PCSK9: variants seen among roughly 807,000 people sequenced by gnomAD.
PCSK9 encodes convertase subtilisin/kexin type 9 preproprotein.
In PCSK9, 57 loss-of-function variants were observed where a neutral mutation model predicts 62.1. The ratio of observed to expected loss-of-function variants is 0.92; its 90% CI spans 0.74 to 1.14. The LOEUF is 1.14. Among genes scored for constraint, PCSK9 ranks in the 50% most tolerant of loss-of-function variants. The pLI is 0.00. For missense variants in PCSK9, 870 were observed against 959.8 expected, an observed-to-expected ratio of 0.91 and a Z score of 1.24; for synonymous variants, 387 against 409.4, an observed-to-expected ratio of 0.95 and a Z score of 0.66.
Position 55,044,021 on chromosome 1 carries a change from AC to A in PCSK9, c.388del (p.Leu130CysfsTer6). The A allele has an allele frequency of 6.2e-7, 1 of 1,614,146 alleles. No individual in the cohort carries two copies. The highest frequency in any genetic ancestry group is 8.5e-7 in the Non-Finnish European group (1 of 1,180,036). ...LPGFLVKMSGDLLELALKLPH... is the reference protein window; with the variant it reads ...LPGFLVKMSGXLLELALKLPH... ...GGCTTCCTGGTGAAGATGAGTGGCGACCTGCTGGAGCTGGTGAGCCACCCTT... is the reference window on the plus strand; with the variant it reads ...GGCTTCCTGGTGAAGATGAGTGGCGACTGCTGGAGCTGGTGAGCCACCCTT... On this transcript the variant is annotated frameshift_variant, in exon 2 of 12. Coordinates refer to ENST00000302118, the MANE Select transcript of PCSK9 (RefSeq NM_174936.4). LOFTEE classifies it high-confidence loss of function.
intron 5 of PCSK9, 110 bp from the exon 6 acceptor site, chr1:55,055,883 G>T: frequency 9.0e-7 from 1 of 1,110,144 alleles, no homozygotes; most frequent in South Asian, 1.8e-5. Context: ...CCAAACATCA[G>T]GCCACAAAGT....
At position 55,061,355 on chromosome 1, in the gene PCSK9, C is replaced by A. The variant is rs372844138; in HGVS notation, c.1682-20C>A. 42 of 1,596,278 alleles carry A rather than the reference C, an allele frequency of 2.6e-5. No individual in the cohort carries two copies. In the African/African-American group the frequency reaches 5.4e-4, roughly 20 times the overall value. ...AGCATCCCAGCATTTCACATCTGAGCTGGCTTTCCTCTGCCCCAGGCTGCA... is the reference window on the plus strand; with the variant it reads ...AGCATCCCAGCATTTCACATCTGAGATGGCTTTCCTCTGCCCCAGGCTGCA... On this transcript the variant is annotated intron_variant, in intron 10 of 11. Transcript: ENST00000302118.
At position 55,043,915 on chromosome 1, in the gene PCSK9, A is replaced by G; in HGVS notation, c.280A>G (p.Thr94Ala). ...EETHLSQSER[T>A]ARRLQAQAAR... ...GACCCACCTCTCGCAGTCAGAGCGCACTGCCCGCCGCCTGCAGGCCCAGGC... is the reference window on the plus strand; with the variant it reads ...GACCCACCTCTCGCAGTCAGAGCGCGCTGCCCGCCGCCTGCAGGCCCAGGC... The change falls in exon 2 of 12, where the codon ACT becomes GCT. Residue 94 changes from threonine (T) to alanine (A), a missense_variant. By Grantham distance (58) the Thr-to-Ala change is moderately conservative. Coordinates refer to ENST00000302118, the MANE Select transcript of PCSK9 (RefSeq NM_174936.4). 4 of 1,614,166 alleles carry G rather than the reference A, an allele frequency of 2.5e-6. No homozygotes were observed. The highest frequency in any genetic ancestry group is 2.5e-6 in the Non-Finnish European group (3 of 1,180,034).
chr1:55,056,236 G>A (rs1644713864), intron 6 of PCSK9, 47 bp downstream of exon 6: 23 of 990,382 alleles, frequency 2.3e-5, no homozygotes, highest in Middle Eastern at 3.9e-4. Context: ...GGGGCGGAGG[G>A]CGGAGGGCGG....
At chr1:55,063,021 G>A (rs1557509518) in intron 11 of PCSK9, among the ~76,000 whole-genome samples, 1 of 152,088 alleles carries the variant, frequency 6.6e-6, no homozygotes, top group South Asian at 2.1e-4. Flanking sequence ...ACCAAGGCTC[G>A]GGCCCCTGGA....
intron 10 of PCSK9, among the ~76,000 whole-genome samples, chr1:55,060,017 A>T (rs1188655303): frequency 6.6e-6 from 1 of 151,834 alleles, no homozygotes; most frequent in Non-Finnish European, 1.5e-5. Flanking sequence ...GGCTGAAAGG[A>T]GGGCAGACCT....
Position 55,059,540 on chromosome 1 carries a change from G to A in PCSK9, c.1558G>A (p.Val520Ile). The A allele has an allele frequency of 6.4e-7, 1 of 1,562,026 alleles. No homozygotes were observed. The highest frequency in any genetic ancestry group is 8.7e-7 in the Non-Finnish European group (1 of 1,151,974). ...CCACAACGCTTTTGGGGGTGAGGGT[G>A]TCTACGCCATTGCCAGGTGCTGCCT... ...RAHNAFGGEG[V>I]YAIARCCLLP... Residue 520 changes from valine to isoleucine, a missense_variant, in exon 10 of 12, where the codon GTC becomes ATC. Val to Ile is a conservative substitution (Grantham distance 29). Coordinates refer to ENST00000302118, the MANE Select transcript of PCSK9 (RefSeq NM_174936.4).
intron 10 of PCSK9, 47 bp downstream of exon 10, chr1:55,059,710 T>C (rs1409122392): frequency 1.3e-6 from 2 of 1,541,360 alleles, no homozygotes; most frequent in Admixed American, 3.9e-5. Context: ...CTCTTTCTCC[T>C]TATGCACCCA....
intron 6 of PCSK9, among the ~76,000 whole-genome samples, chr1:55,057,126 T>C (rs1266725768): frequency 6.6e-6 from 1 of 152,188 alleles, no homozygotes; most frequent in Non-Finnish European, 1.5e-5. Context: ...TGCCTGGCTA[T>C]GGTAGGGACA....
intron 11 of PCSK9, among the ~76,000 whole-genome samples, chr1:55,061,950 A>G (rs1644763381): frequency 6.6e-6 from 1 of 152,096 alleles, no homozygotes; most frequent in South Asian, 2.1e-4. Context: ...AGCCTCCCCA[A>G]GTGTTGGGAT....
At chr1:55,060,850 A>T (rs1209518549) in intron 10 of PCSK9, among the ~76,000 whole-genome samples, 2 of 152,140 alleles carry the variant, frequency 1.3e-5, no homozygotes, top group Non-Finnish European at 2.9e-5. Context: ...TGTCATCTTC[A>T]CAGTGTCCCT....
Position 55,060,613 on chromosome 1 carries a change from G to A in PCSK9, c.1682-762G>A, listed in dbSNP as rs1644752518. Among the ~76,000 whole-genome samples, 5 of 152,274 alleles carry A rather than the reference G, an allele frequency of 3.3e-5. No individual in the cohort carries two copies. In the South Asian group the frequency reaches 1.0e-3, roughly 32 times the overall value. On this transcript the variant is annotated intron_variant, in intron 10 of 11. Coordinates refer to ENST00000302118, the MANE Select transcript of PCSK9 (RefSeq NM_174936.4). The stretch of plus-strand genomic sequence containing the variant: ...CCATGCTCTAATCACGCTCCCCTTT[G>A]GAAGTGCTCAGCCGATGAGCTCACA...
At chr1:55,059,847 C>G (rs1644746215) in intron 10 of PCSK9, among the ~76,000 whole-genome samples, 184 bp downstream of exon 10, 1 of 152,262 alleles carries the variant, frequency 6.6e-6, no homozygotes, top group African/African-American at 2.4e-5. Context: ...TTCTCCTCAT[C>G]TCAGCTTCCT....
chr1:55,063,645 G>T lies in PCSK9; in HGVS notation c.*61G>T. ...AAGGGCTGGGGCTGAGCTTTAAAATGGTTCCGACTTGTCCCTCTCTCAGCC... is the reference window on the plus strand; with the variant it reads ...AAGGGCTGGGGCTGAGCTTTAAAATTGTTCCGACTTGTCCCTCTCTCAGCC... On this transcript the variant is annotated 3_prime_UTR_variant, in exon 12 of 12. Coordinates refer to ENST00000302118, the MANE Select transcript of PCSK9 (RefSeq NM_174936.4). 1 of 1,535,816 alleles carries T rather than the reference G, an allele frequency of 6.5e-7. No individual in the cohort carries two copies. Among genetic ancestry groups the T allele is most frequent in the Non-Finnish European group, 8.8e-7 (1 of 1,135,054 alleles).
Position 55,039,892 on chromosome 1 carries a change from C to T in PCSK9, c.55C>T (p.Leu19=). Residue 19 remains leucine (L), a synonymous_variant, in exon 1 of 12, where the codon CTG becomes TTG. Coordinates refer to ENST00000302118, the MANE Select transcript of PCSK9 (RefSeq NM_174936.4). The part of the protein sequence containing the change: ...SWWPLPLLLL[L]LLLLGPAGAR... ...GTGGCCGCTGCCACTGCTGCTGCTG[C>T]TGCTGCTGCTCCTGGGTCCCGCGGG... 6.4e-7 allele frequency: 1 copy of T among 1,565,028 alleles called. No homozygotes were observed. The highest frequency in any genetic ancestry group is 8.7e-7 in the Non-Finnish European group (1 of 1,155,584).
At chr1:55,052,554 G>C in intron 4 of PCSK9, 96 bp from the exon 5 acceptor site, 1 of 1,603,578 alleles carries the variant, frequency 6.2e-7, no homozygotes, top group African/African-American at 1.3e-5. Context: ...CCTGCCATCA[G>C]TTGTGGGAAG....
At position 55,046,515 on chromosome 1, in the gene PCSK9, T is replaced by A; in HGVS notation, c.400-8T>A. On this transcript the variant is annotated splice_polypyrimidine_tract_variant and splice_region_variant and intron_variant, in intron 2 of 11. Coordinates refer to ENST00000302118, the MANE Select transcript of PCSK9 (RefSeq NM_174936.4). ...AGCAGAGTCCCCCGGCCTCTCTGGC[T>A]TCTGCAGGCCTTGAAGTTGCCCCAT... is the stretch of plus-strand genomic sequence containing the variant. The A allele has an allele frequency of 6.2e-7, 1 of 1,614,178 alleles. No homozygotes were observed. The highest frequency in any genetic ancestry group is 1.1e-5 in the South Asian group (1 of 91,082).
intron 2 of PCSK9, 80 bp from the exon 3 acceptor site, chr1:55,046,443 A>C: frequency 1.2e-6 from 2 of 1,605,334 alleles, no homozygotes; most frequent in East Asian, 2.2e-5. Flanking sequence ...AGGTTTGATC[A>C]GGTAAGGCCA....
rs1427880677 is a variant in PCSK9 at position 55,040,739 on chromosome 1, C to T, written c.207+695C>T. Reference sequence around the variant, plus strand: ...TTTAGGACTCAGGCAGGGAAGGGCCCTTGGTGCTCTGGAGCCGGAGGTGGT... The same window carrying T: ...TTTAGGACTCAGGCAGGGAAGGGCCTTTGGTGCTCTGGAGCCGGAGGTGGT... On this transcript the variant is annotated intron_variant, in intron 1 of 11. Coordinates refer to ENST00000302118, the MANE Select transcript of PCSK9 (RefSeq NM_174936.4). The surrounding 1 kb of genome is among the most constrained non-coding windows in gnomAD (Gnocchi z 4.1). 1.3e-5 allele frequency among the ~76,000 whole-genome samples: 2 copies of T among 152,224 alleles called. No homozygotes were observed. The highest frequency in any genetic ancestry group is 3.8e-4 in the East Asian group (2 of 5,198).
Sources: gnomAD v4.1 joint callset for allele counts (sites outside exome capture counted in the v4.1 genomes callset) on GRCh38, gnomAD v4.1.1 for gene constraint, Gnocchi (gnomAD v3.1) non-coding constraint, MANE v1.5 for transcripts, NCBI Gene and HGNC (gene_info 2026-07-23, HGNC 2026-07-21) for gene names.